CIT: variants seen among roughly 807,000 people sequenced by gnomAD.
CIT encodes the protein citron Rho-interacting kinase.
Under a neutral mutation model 272.7 loss-of-function variants are expected in CIT, and 79 were observed. The ratio of observed to expected loss-of-function variants is 0.29; its 90% CI spans 0.24 to 0.35. The LOEUF (loss-of-function observed/expected upper bound fraction) is 0.35. CIT is among the 10% of genes least tolerant of loss of function. CIT has a pLI of 1.00. For missense variants in CIT, 1,909 were observed against 2,618.3 expected, an observed-to-expected ratio of 0.73 and a Z score of 5.91; for synonymous variants, 948 against 995.6, an observed-to-expected ratio of 0.95 and a Z score of 0.90.
At chr12:119,818,701 A>G (rs1967420527) in intron 9 of CIT, among the ~76,000 whole-genome samples, 1 of 152,228 alleles carries the variant, frequency 6.6e-6, no homozygotes, top group African/African-American at 2.4e-5. Flanking sequence ...ACTCAAGAGA[A>G]AAAGCCCATG....
chr12:119,740,566 T>G (rs772093174), intron 24 of CIT, among the ~76,000 whole-genome samples: 2 of 152,014 alleles, frequency 1.3e-5, no homozygotes, highest in African/African-American at 4.8e-5. Context: ...AAAGTTCTTA[T>G]GCCAAAAGAC....
chr12:119,756,034 G>A lies in CIT; in HGVS notation c.2706+1337C>T, dbSNP rs79380463. Reference sequence around the variant, plus strand: ...ATTTGACAGATGCACAAATTGACACGCTCCCCACAGGACCCTATAAAGGAG... The same window carrying A: ...ATTTGACAGATGCACAAATTGACACACTCCCCACAGGACCCTATAAAGGAG... On this transcript the variant is annotated intron_variant, in intron 22 of 47. Coordinates refer to ENST00000392521, the MANE Select transcript of CIT (RefSeq NM_001206999.2). Among the ~76,000 whole-genome samples, 294 of 152,248 alleles carry A rather than the reference G, an allele frequency of 1.9e-3. 2 individuals carry two copies. The East Asian group carries it at 0.033, about 17-fold the overall frequency.
chr12:119,784,403 C>A lies in CIT; in HGVS notation c.1402-352G>T, dbSNP rs117074838. On this transcript the variant is annotated intron_variant, in intron 11 of 47. Coordinates refer to ENST00000392521, the MANE Select transcript of CIT (RefSeq NM_001206999.2). The surrounding 1 kb of genome is among the most constrained non-coding windows in gnomAD (Gnocchi z 4.7). ...TTTTATCCCAAATCCATCTTGATCC[C>A]CCCCCATCTCCTTGCAAAGATCTAG... is the stretch of plus-strand genomic sequence containing the variant. The A allele has an allele frequency of 2.4e-6, 3 of 1,225,086 alleles. No individual in the cohort carries two copies. The highest frequency in any genetic ancestry group is 3.1e-6 in the Non-Finnish European group (3 of 964,374). The allele number at this position is 1,225,086 out of a possible 1,614,324, so 75.9% of individuals were successfully genotyped here. A position where few individuals can be genotyped will look rare whatever the true frequency, so the allele number is the denominator to read the frequency against.
At chr12:119,805,855 C>G (rs1339789402) in intron 9 of CIT, among the ~76,000 whole-genome samples, 1 of 152,110 alleles carries the variant, frequency 6.6e-6, no homozygotes, top group African/African-American at 2.4e-5. Context: ...AAGAAGTAGG[C>G]CAGGCACAGT....
rs1334970917 is a variant in CIT, at chr12:119,770,012, G to A, written c.2208+773C>T. On this transcript the variant is annotated intron_variant, in intron 18 of 47. Coordinates refer to ENST00000392521, the MANE Select transcript of CIT (RefSeq NM_001206999.2). The surrounding 1 kb of genome is among the most constrained non-coding windows in gnomAD (Gnocchi z 4.4). ...ACTTCAGAGACTCTCTCCCAGGTGG[G>A]ATAGGAATGGACTCCAAGTCATCCT... Among the ~76,000 whole-genome samples, 1 of 152,144 alleles carries A rather than the reference G, an allele frequency of 6.6e-6. No homozygotes were observed. Among genetic ancestry groups the A allele is most frequent in the East Asian group, 1.9e-4 (1 of 5,184 alleles).
At chr12:119,866,575 T>G (rs571011665) in intron 3 of CIT, among the ~76,000 whole-genome samples, 30 of 152,162 alleles carry the variant, frequency 2.0e-4, no homozygotes, top group Non-Finnish European at 3.4e-4. Context: ...TCCAAGCATT[T>G]TGGGAGGCCA....
intron 47 of CIT, among the ~76,000 whole-genome samples, chr12:119,688,899 G>T (rs1329802287): frequency 2.0e-5 from 3 of 152,068 alleles, no homozygotes; most frequent in South Asian, 4.1e-4. Context: ...GGTGACTCAC[G>T]CCTGTAATCC....
At chr12:119,818,204 A>G (rs1030636971) in intron 9 of CIT, among the ~76,000 whole-genome samples, 3 of 152,232 alleles carry the variant, frequency 2.0e-5, no homozygotes, top group African/African-American at 7.2e-5. Context: ...TACATTTGAC[A>G]GAAGTGTTTT....
rs375339875 is a variant in CIT at position 119,697,987 on chromosome 12, G to A, written c.5691C>T (p.Arg1897=). ...AGGACAATGCTTACCCTGCTGAGGA[G>A]CGTGCCTGGATCTCAATTACTTCGA... is the stretch of plus-strand genomic sequence containing the variant. ...NSLEVIEIQA[R]SSAGTPARAY... is the part of the protein sequence containing the mutation. The change falls in exon 45 of 48, where the codon CGC becomes CGT. Residue 1897 remains arginine (R), a synonymous_variant. Transcript: ENST00000392521. The surrounding 1 kb of genome is among the most constrained non-coding windows in gnomAD (Gnocchi z 4.9). 2.5e-6 allele frequency: 4 copies of A among 1,614,216 alleles called. No homozygotes were observed. The highest frequency in any genetic ancestry group is 2.5e-6 in the Non-Finnish European group (3 of 1,180,028).
At chr12:119,800,233 C>T (rs1211659220) in intron 10 of CIT, among the ~76,000 whole-genome samples, 1 of 152,136 alleles carries the variant, frequency 6.6e-6, no homozygotes, top group Non-Finnish European at 1.5e-5. Context: ...GGAAAAGAAG[C>T]ATCAGACAGC....
At chr12:119,873,990 G>A (rs1053590818) in intron 2 of CIT, among the ~76,000 whole-genome samples, 1 of 152,072 alleles carries the variant, frequency 6.6e-6, no homozygotes, top group Non-Finnish European at 1.5e-5. Context: ...GCTTTAAATC[G>A]AATATCTCAT....
chr12:119,831,616 T>TCCCA (rs927237478), intron 7 of CIT, among the ~76,000 whole-genome samples: 2 of 152,228 alleles, frequency 1.3e-5, no homozygotes, highest in African/African-American at 4.8e-5. Context: ...ATGCCTGTAA[T>TCCCA]CCCAGCACTT....
At chr12:119,758,721 G>C (rs1345131837) in intron 20 of CIT, 21 bp from the exon 21 acceptor site, 7 of 1,485,682 alleles carry the variant, frequency 4.7e-6, no homozygotes, top group Non-Finnish European at 5.6e-6. Context: ...GGGCACCTAT[G>C]AAACTTCACA....
At chr12:119,832,191 T>C (rs1968685691) in intron 7 of CIT, among the ~76,000 whole-genome samples, 1 of 152,350 alleles carries the variant, frequency 6.6e-6, no homozygotes, top group African/African-American at 2.4e-5. Context: ...TAAACTCTAA[T>C]CTTTTTTTAC....
At chr12:119,763,267 G>A (rs1029887397) in intron 19 of CIT, among the ~76,000 whole-genome samples, 2 of 5,078 alleles carry the variant, frequency 3.9e-4, no homozygotes, top group Non-Finnish European at 8.8e-4. Flanking sequence ...TTTCACAAAA[G>A]GTTACTTTCA....
At chr12:119,837,281 G>A (rs1969080836) in intron 5 of CIT, among the ~76,000 whole-genome samples, 1 of 152,214 alleles carries the variant, frequency 6.6e-6, no homozygotes, top group African/African-American at 2.4e-5. Flanking sequence ...GGGTATAGCT[G>A]CTCATTCTAG....
chr12:119,754,542 G>C (rs906956918), intron 22 of CIT, among the ~76,000 whole-genome samples: 1 of 152,170 alleles, frequency 6.6e-6, no homozygotes, highest in South Asian at 2.1e-4. Context: ...GGAAGAACCC[G>C]GGAGCCTGCA....
intron 41 of CIT, 145 bp downstream of exon 41, chr12:119,704,218 C>T: frequency 1.5e-6 from 1 of 663,616 alleles, no homozygotes; most frequent in Non-Finnish European, 2.6e-6. Context: ...TCGCTGACGA[C>T]AGAGGTCACC....
At chr12:119,849,978 G>A (rs547044539) in intron 5 of CIT, among the ~76,000 whole-genome samples, 196 bp downstream of exon 5, 5 of 152,228 alleles carry the variant, frequency 3.3e-5, no homozygotes, top group Non-Finnish European at 5.9e-5. Context: ...GAGCCACCAC[G>A]TTCAGCCCAA....
Sources: gnomAD v4.1 joint callset for allele counts (sites outside exome capture counted in the v4.1 genomes callset) on GRCh38, gnomAD v4.1.1 for gene constraint, Gnocchi (gnomAD v3.1) non-coding constraint, MANE v1.5 for transcripts, NCBI Gene and HGNC (gene_info 2026-07-23, HGNC 2026-07-21) for gene names.